The following PTPRM variants were observed in gnomAD, a reference collection of about 807,000 sequenced individuals.
PTPRM encodes the protein protein tyrosine phosphatase receptor type M.
In PTPRM, 47 loss-of-function variants were observed where a neutral mutation model predicts 186.7. The ratio of observed to expected loss-of-function variants is 0.25; its 90% CI spans 0.20 to 0.32. PTPRM has a LOEUF of 0.32. Among genes scored for constraint, PTPRM ranks in the 10% least tolerant of loss-of-function variants. The probability of loss-of-function intolerance (pLI) is 1.00; values close to 1 mark genes in which losing one functional copy is unlikely to be tolerated. For missense variants in PTPRM, 1,494 were observed against 1,865.0 expected (o/e 0.80, Z 3.66); for synonymous variants, 668 against 674.9 (o/e 0.99, Z 0.16).
chr18:8,000,237 C>A (rs2083788764), intron 7 of PTPRM, among the ~76,000 whole-genome samples: 3 of 152,180 alleles, frequency 2.0e-5, no homozygotes, highest in African/African-American at 7.2e-5. Context: ...CACATAAAAT[C>A]AACCATCAGA....
At chr18:7,611,569 G>C (rs1417501996) in intron 1 of PTPRM, among the ~76,000 whole-genome samples, 1 of 152,196 alleles carries the variant, frequency 6.6e-6, no homozygotes, top group African/African-American at 2.4e-5. Context: ...GGCCATACCA[G>C]CCTAGGGGTA....
chr18:8,098,239 A>G (rs969433369), intron 11 of PTPRM, among the ~76,000 whole-genome samples: 3 of 152,226 alleles, frequency 2.0e-5, no homozygotes, highest in Admixed American at 6.5e-5. Context: ...GTTGAGAGTG[A>G]GCATTTCCCT....
intron 31 of PTPRM, among the ~76,000 whole-genome samples, chr18:8,393,513 G>A (rs1359259743): frequency 6.6e-6 from 1 of 152,210 alleles, no homozygotes; most frequent in Admixed American, 6.5e-5. Context: ...TGCACGACTG[G>A]ATCCTGGACC....
chr18:7,635,806 A>G (rs2038298565), intron 1 of PTPRM, among the ~76,000 whole-genome samples: 1 of 152,238 alleles, frequency 6.6e-6, no homozygotes, highest in Non-Finnish European at 1.5e-5. Context: ...TTGCCTGCCT[A>G]CATTTTCCTT....
chr18:7,988,553 C>G (rs896451941), intron 7 of PTPRM, among the ~76,000 whole-genome samples: 2 of 152,068 alleles, frequency 1.3e-5, no homozygotes, highest in Admixed American at 1.3e-4. Flanking sequence ...GTACTTAAAA[C>G]GACAACCTCC....
intron 32 of PTPRM, chr18:8,405,286 C>T (rs1186845893): frequency 3.9e-5 from 6 of 152,280 alleles, no homozygotes; most frequent in Non-Finnish European, 4.4e-5. Context: ...GTCCTGTTGC[C>T]TCCGCCTGGA....
intron 11 of PTPRM, among the ~76,000 whole-genome samples, chr18:8,102,275 A>G (rs1012255943): frequency 1.3e-5 from 2 of 152,194 alleles, no homozygotes; most frequent in Non-Finnish European, 2.9e-5. Flanking sequence ...ATTTCCTAAA[A>G]TAAGACAATG....
At position 8,238,693 on chromosome 18, in the gene PTPRM, A is replaced by G. The variant is rs995483710; in HGVS notation, c.2301-5365A>G. Among the ~76,000 whole-genome samples the G allele has an allele frequency of 1.7e-4, 20 of 114,736 alleles. 1 individual carries two copies. The highest frequency in any genetic ancestry group is 6.3e-4 in the African/African-American group (19 of 30,088). The allele number at this position is 114,736 out of a possible 152,430, so 75.3% of individuals were successfully genotyped here. On this transcript the variant is annotated intron_variant, in intron 14 of 32. Coordinates refer to ENST00000580170, the MANE Select transcript of PTPRM (RefSeq NM_001105244.2). ...TTTTTTTTTTTTTTTTTGCGAAGCT[A>G]CACATGGTGTATTGAGTAACAGGAA...
chr18:8,162,122 G>A (rs185064794), intron 14 of PTPRM, among the ~76,000 whole-genome samples: 16 of 146,982 alleles, frequency 1.1e-4, no homozygotes, highest in African/African-American at 3.5e-4. Context: ...TTTTTCCTAC[G>A]GAGTTTCACT....
At chr18:8,328,908 C>T (rs550103521) in intron 22 of PTPRM, among the ~76,000 whole-genome samples, 1 of 152,284 alleles carries the variant, frequency 6.6e-6, no homozygotes, top group African/African-American at 2.4e-5. Flanking sequence ...CATCCCTGTG[C>T]TCTAAATAAA....
At chr18:8,204,525 G>A (rs1406704242) in intron 14 of PTPRM, among the ~76,000 whole-genome samples, 1 of 152,016 alleles carries the variant, frequency 6.6e-6, no homozygotes, top group South Asian at 2.1e-4. Context: ...ACTGTACCTT[G>A]ATGTCAGAGC....
At position 8,387,116 on chromosome 18, in the gene PTPRM, C is replaced by G. The variant is rs201694484; in HGVS notation, c.4089C>G (p.Gly1363=). The G allele has an allele frequency of 6.2e-7, 1 of 1,612,010 alleles. No individual in the cohort carries two copies. The highest frequency in any genetic ancestry group is 2.2e-5 in the East Asian group (1 of 44,868). ...TGGTGCAGCAATTCCAGTTCCTGGG[C>G]TGGCCGATGTACAGGGACACACCAG... ...YRMVQQFQFL[G]WPMYRDTPVS... The change falls in exon 31 of 33, where the codon GGC becomes GGG. Residue 1363 remains glycine, a synonymous_variant. Coordinates refer to ENST00000580170, the MANE Select transcript of PTPRM (RefSeq NM_001105244.2).
intron 1 of PTPRM, among the ~76,000 whole-genome samples, chr18:7,709,679 A>C (rs936200558): frequency 6.6e-6 from 1 of 152,162 alleles, no homozygotes; most frequent in Non-Finnish European, 1.5e-5. Flanking sequence ...CAAGAAAAGA[A>C]GATGATGCAA....
intron 5 of PTPRM, among the ~76,000 whole-genome samples, chr18:7,944,437 A>G (rs2052385553): frequency 6.6e-6 from 1 of 152,164 alleles, no homozygotes; most frequent in Non-Finnish European, 1.5e-5. Flanking sequence ...CCTCCAGTCC[A>G]TTACTGTACA....
intron 1 of PTPRM, among the ~76,000 whole-genome samples, chr18:7,749,981 A>G (rs142212112): frequency 5.3e-5 from 8 of 152,340 alleles, no homozygotes; most frequent in Admixed American, 4.6e-4. Context: ...AATGACACAT[A>G]ACGTTGGTTA....
chr18:8,165,742 G>T (rs1273318723), intron 14 of PTPRM, among the ~76,000 whole-genome samples: 1 of 152,176 alleles, frequency 6.6e-6, no homozygotes, highest in South Asian at 2.1e-4. Context: ...AACAGTGAGG[G>T]TGGCACAAAT....
At chr18:8,327,067 C>A (rs2095381855) in intron 22 of PTPRM, among the ~76,000 whole-genome samples, 1 of 152,208 alleles carries the variant, frequency 6.6e-6, no homozygotes, top group Non-Finnish European at 1.5e-5. Context: ...GTGACATGAA[C>A]TTTTCATTTC....
At chr18:8,343,232 G>A (rs541544208) in intron 22 of PTPRM, among the ~76,000 whole-genome samples, 191 bp from the exon 23 acceptor site, 4 of 152,188 alleles carry the variant, frequency 2.6e-5, no homozygotes, top group Non-Finnish European at 5.9e-5. Context: ...AGCGACAAAT[G>A]ACAAATTTGA....
chr18:8,262,867 A>G (rs907420417), intron 19 of PTPRM, among the ~76,000 whole-genome samples: 1 of 152,188 alleles, frequency 6.6e-6, no homozygotes, highest in African/African-American at 2.4e-5. Flanking sequence ...ATTTCTGCAT[A>G]TTTAAACACA....
Sources: gnomAD v4.1 joint callset for allele counts (sites outside exome capture counted in the v4.1 genomes callset) on GRCh38, gnomAD v4.1.1 for gene constraint, MANE v1.5 for transcripts, NCBI Gene and HGNC (gene_info 2026-07-23, HGNC 2026-07-21) for gene names.